The following PLCE1 variants were observed in gnomAD, a reference collection of about 807,000 sequenced individuals.
PLCE1 encodes phospholipase C epsilon 1.
A neutral mutation model predicts 242.8 loss-of-function variants in PLCE1; 119 were observed. The ratio of observed to expected loss-of-function variants is 0.49; its 90% CI spans 0.42 to 0.57. PLCE1 has a LOEUF of 0.57. PLCE1 is among the 20% of genes least tolerant of loss of function. The pLI, the probability that PLCE1 is intolerant of heterozygous loss-of-function variation, is 0.00. For synonymous variants in PLCE1, 945 were observed against 1,017.4 expected (o/e 0.93, Z 1.35); for missense variants, 2,441 against 2,788.8 (o/e 0.88, Z 2.81).
At chr10:94,086,543 T>A (rs1193435909) in intron 2 of PLCE1, among the ~76,000 whole-genome samples, 1 of 152,362 alleles carries the variant, frequency 6.6e-6, no homozygotes, top group East Asian at 1.9e-4. Context: ...TGCAGCTGAA[T>A]TACCTCCTTC....
Position 94,252,383 on chromosome 10 carries a change from G to A in PLCE1, c.3164G>A (p.Ser1055Asn). ...AVELFGGRRW[S>N]ARNPSPGTSA... ...GAGTTGTTTGGTGGCAGACGGTGGA[G>A]TGCTCGAAACCCCAGCCCCGGAACA... The change falls in exon 9 of 33, where the codon AGT (serine) becomes AAT (asparagine). Residue 1055 changes from serine to asparagine, a missense_variant. Coordinates refer to ENST00000371380, the MANE Select transcript of PLCE1 (RefSeq NM_016341.4). 6.2e-7 allele frequency: 1 copy of A among 1,614,110 alleles called. No individual in the cohort carries two copies. Among genetic ancestry groups the A allele is most frequent in the East Asian group, 2.2e-5 (1 of 44,886 alleles).
At chr10:94,058,549 G>A (rs913718058) in intron 2 of PLCE1, among the ~76,000 whole-genome samples, 7 of 152,156 alleles carry the variant, frequency 4.6e-5, no homozygotes, top group Admixed American at 2.0e-4. Context: ...CTTGACCATG[G>A]AATGAGCATG....
At chr10:94,233,607 C>T (rs544583802) in intron 5 of PLCE1, among the ~76,000 whole-genome samples, 1 of 152,062 alleles carries the variant, frequency 6.6e-6, no homozygotes, top group Non-Finnish European at 1.5e-5. Context: ...TTCATATTAT[C>T]TGGGGAAGTA....
chr10:93,994,362 T>C (rs1353683605), intron 1 of PLCE1, among the ~76,000 whole-genome samples, 104 bp downstream of exon 1: 1 of 152,182 alleles, frequency 6.6e-6, no homozygotes, highest in Non-Finnish European at 1.5e-5. Flanking sequence ...GCAGCCCGAC[T>C]CCGCGTACCT....
chr10:94,006,030 T>C (rs1424890861), intron 1 of PLCE1, among the ~76,000 whole-genome samples: 1 of 152,244 alleles, frequency 6.6e-6, no homozygotes, highest in Non-Finnish European at 1.5e-5. Context: ...GCCTTCTAAA[T>C]ATCTCTGTAA....
intron 4 of PLCE1, among the ~76,000 whole-genome samples, chr10:94,201,980 A>G (rs1031514969): frequency 1.7e-4 from 26 of 152,316 alleles, no homozygotes; most frequent in Non-Finnish European, 3.2e-4. Context: ...TAATCATTCA[A>G]AATATGAGGC....
At chr10:94,271,306 CTTTTTTTTTTT>C (rs35048796) in intron 18 of PLCE1, among the ~76,000 whole-genome samples, 3 of 73,316 alleles carry the variant, frequency 4.1e-5, no homozygotes, top group African/African-American at 5.9e-5. Context: ...AGAAGATCAT[CTTTTTTTTTTT>C]TTTTTTTTTT....
chr10:94,199,579 A>AT (rs2048929695), intron 4 of PLCE1, among the ~76,000 whole-genome samples: 1 of 152,164 alleles, frequency 6.6e-6, no homozygotes, highest in African/African-American at 2.4e-5. Context: ...TAGATGTTTC[A>AT]TTTTTTCCCC....
At position 94,031,509 on chromosome 10, in the gene PLCE1, G is replaced by A. The variant is rs1281031440; in HGVS notation, c.463G>A (p.Glu155Lys). The A allele has an allele frequency of 1.2e-6, 2 of 1,612,570 alleles. No homozygotes were observed. Among genetic ancestry groups the A allele is most frequent in the African/African-American group, 1.3e-5 (1 of 74,886 alleles). ...AAAGGTGTTCCCTGGAATTCAACTG[G>A]AACTAGACAGACCTTCCATGGGCAT... Reference protein sequence around the residue: ...ERKVFPGIQLELDRPSMGISP... With the variant: ...ERKVFPGIQLKLDRPSMGISP... The change falls in exon 2 of 33, where the codon GAA becomes AAA. Residue 155 changes from glutamate (E) to lysine (K), a missense_variant. Around this residue, in one of 5 missense-constraint regions of PLCE1, gnomAD observed 393 missense variants for 378.5 expected, o/e 1.04. Coordinates refer to ENST00000371380, the MANE Select transcript of PLCE1 (RefSeq NM_016341.4).
At chr10:94,004,262 A>C (rs1209051551) in intron 1 of PLCE1, among the ~76,000 whole-genome samples, 4 of 152,232 alleles carry the variant, frequency 2.6e-5, no homozygotes, top group African/African-American at 4.8e-5. Context: ...GATTCTGGAC[A>C]CACAGTATGG....
intron 2 of PLCE1, among the ~76,000 whole-genome samples, chr10:94,077,179 C>T (rs983464589): frequency 6.6e-6 from 1 of 152,186 alleles, no homozygotes; most frequent in Non-Finnish European, 1.5e-5. Context: ...TGGTGTTTCC[C>T]AGTTGGGGGC....
chr10:94,129,971 C>G (rs2046548897), intron 2 of PLCE1, among the ~76,000 whole-genome samples: 1 of 152,166 alleles, frequency 6.6e-6, no homozygotes, highest in Non-Finnish European at 1.5e-5. Flanking sequence ...TTATTGCTTG[C>G]ATGGTGAGTT....
At chr10:94,269,345 G>A (rs184029704) in intron 17 of PLCE1, among the ~76,000 whole-genome samples, 21 of 151,722 alleles carry the variant, frequency 1.4e-4, no homozygotes, top group Admixed American at 5.3e-4. Context: ...CAAGTGCTCC[G>A]CCCGCCCCTC....
intron 2 of PLCE1, chr10:94,109,277 T>C (rs1424283560): frequency 6.6e-6 from 1 of 152,200 alleles, no homozygotes; most frequent in African/African-American, 2.4e-5. Flanking sequence ...CCTATTTTTG[T>C]TTCAAAATGT....
chr10:94,140,377 C>CA (rs34755242), intron 3 of PLCE1, among the ~76,000 whole-genome samples: 2,135 of 138,932 alleles, frequency 0.015, 34 homozygotes, highest in East Asian at 0.091. Flanking sequence ...ACTGAAAATA[C>CA]AAAAAAAAAA....
chr10:94,246,252 T>C lies in PLCE1; in HGVS notation c.2727T>C (p.Gly909=), dbSNP rs1482571864. ...CAGCCAGCAGTAAAGCAAAACTTGGTGTACTTAATAACACAGCTGAGCCTG... is the reference window on the plus strand; with the variant it reads ...CAGCCAGCAGTAAAGCAAAACTTGGCGTACTTAATAACACAGCTGAGCCTG... ...ASPASSKAKL[G]VLNNTAEPGK... is the part of the protein sequence containing the mutation. The change falls in exon 8 of 33, where the codon GGT becomes GGC. Residue 909 remains glycine, a synonymous_variant. Transcript: ENST00000371380. The C allele has an allele frequency of 1.2e-6, 2 of 1,614,096 alleles. No homozygotes were observed. The highest frequency in any genetic ancestry group is 1.7e-6 in the Non-Finnish European group (2 of 1,180,026).
intron 2 of PLCE1, among the ~76,000 whole-genome samples, chr10:94,050,514 A>G (rs1564648265): frequency 6.6e-6 from 1 of 152,044 alleles, no homozygotes; most frequent in African/African-American, 2.4e-5. Flanking sequence ...AAGCCAAACT[A>G]TATTACTCCA....
intron 7 of PLCE1, among the ~76,000 whole-genome samples, chr10:94,236,326 C>T (rs144924099): frequency 2.0e-5 from 3 of 152,008 alleles, no homozygotes; most frequent in East Asian, 3.9e-4. Context: ...TCTAAAATTA[C>T]TGCTCATAAT....
In PLCE1 at chr10:94,245,973, A is replaced by G. The variant is rs199552964; in HGVS notation, c.2448A>G (p.Ser816=). 5.0e-6 allele frequency: 8 copies of G among 1,614,140 alleles called. No individual in the cohort carries two copies. Among genetic ancestry groups the G allele is most frequent in the Non-Finnish European group, 5.9e-6 (7 of 1,179,976 alleles). The part of the protein sequence containing the change: ...WQFIIGDLLD[S]DNDIFEQSKE... ...TTATAATTGGAGATTTGTTGGATTC[A>G]GACAATGACATCTTTGAGCAATCCA... Residue 816 remains serine (S), a synonymous_variant, in exon 8 of 33, where the codon TCA becomes TCG. Coordinates refer to ENST00000371380, the MANE Select transcript of PLCE1 (RefSeq NM_016341.4).
Sources: allele counts gnomAD v4.1 joint callset (sites outside exome capture counted in the v4.1 genomes callset), GRCh38; gene constraint gnomAD v4.1.1; regional missense constraint gnomAD v4.1.1; transcripts MANE v1.5; gene names NCBI Gene and HGNC (gene_info 2026-07-23, HGNC 2026-07-21).